Variants in LIMA1 observed in about 807,000 individuals in gnomAD.
LIMA1 encodes the protein LIM domain and actin binding 1.
LIMA1 carries 52 observed loss-of-function variants against 62.6 expected under a neutral mutation model. That is an observed-to-expected ratio of 0.83 (90% CI 0.67 to 1.05). The LOEUF (loss-of-function observed/expected upper bound fraction) is 1.05, where lower values mean the gene tolerates loss of function less well. LIMA1 is among the 50% of genes least tolerant of loss of function. The pLI, the probability that LIMA1 is intolerant of heterozygous loss-of-function variation, is 0.00. For missense variants in LIMA1, 780 were observed against 902.2 expected (o/e 0.86, Z 1.74); for synonymous variants, 302 against 317.8 (o/e 0.95, Z 0.53).
At position 50,177,423 on chromosome 12, in the gene LIMA1, C is replaced by T; in HGVS notation, c.1921G>A (p.Ala641Thr). 1 of 1,614,168 alleles carries T rather than the reference C, an allele frequency of 6.2e-7. No individual in the cohort carries two copies. The highest frequency in any genetic ancestry group is 8.5e-7 in the Non-Finnish European group (1 of 1,180,036). Residue 641 changes from alanine to threonine, a missense_variant, in exon 11 of 11, where the codon GCT becomes ACT. Physicochemically the swap from Ala to Thr is moderately conservative, Grantham distance 58. Transcript: ENST00000341247. ...AERKQVENAKASKKNGNVGKT... is the reference protein window; with the variant it reads ...AERKQVENAKTSKKNGNVGKT... Reference sequence around the variant, plus strand: ...CCCACATTCCCATTCTTCTTAGAAGCCTTGGCATTTTCCACTTGTTTCCTT... The same window carrying T: ...CCCACATTCCCATTCTTCTTAGAAGTCTTGGCATTTTCCACTTGTTTCCTT...
At chr12:50,185,788 A>C in intron 9 of LIMA1, 2 of 228,058 alleles carry the variant, frequency 8.8e-6, no homozygotes, top group South Asian at 1.1e-4. Flanking sequence ...TGGAGCAAAA[A>C]GTCTGTCTTC....
chr12:50,202,814 G>T (rs558998713), intron 6 of LIMA1, among the ~76,000 whole-genome samples: 18 of 152,202 alleles, frequency 1.2e-4, no homozygotes, highest in Admixed American at 4.6e-4. Flanking sequence ...ATTTCGATCT[G>T]CCTAAGAACA....
At chr12:50,282,505 C>A (rs2138724405) in intron 1 of LIMA1, among the ~76,000 whole-genome samples, 1 of 152,310 alleles carries the variant, frequency 6.6e-6, no homozygotes, top group East Asian at 1.9e-4. Context: ...CTGGATTAGG[C>A]AGACTTATCT....
rs528872075 is a variant in LIMA1 at position 50,222,414 on chromosome 12, T to C, written c.237A>G (p.Pro79=). The change falls in exon 4 of 11, where the codon CCA becomes CCG. Residue 79 remains proline (P), a synonymous_variant. Transcript: ENST00000341247. ...LTVLKKKWEN[P]GLGAESHTDS... ...CTGTGTGAGACTCTGCTCCCAGCCC[T>C]GGGTTCTCCCACTTCTTCTTTAACA... is the stretch of plus-strand genomic sequence containing the variant. 788 of 1,614,194 alleles carry C rather than the reference T, an allele frequency of 4.9e-4. 7 individuals are homozygous for C. The Admixed American group carries it at 0.013, about 26-fold the overall frequency.
At chr12:50,231,983 G>C (rs535039912) in intron 2 of LIMA1, among the ~76,000 whole-genome samples, 3 of 150,280 alleles carry the variant, frequency 2.0e-5, no homozygotes, top group Admixed American at 2.0e-4. Context: ...GGCCAGGCTG[G>C]TCTCGAACTC....
chr12:50,261,040 ATAT>A lies in LIMA1; in HGVS notation c.-23-12269_-23-12267del, dbSNP rs1314982945. 1.8e-4 allele frequency among the ~76,000 whole-genome samples: 9 copies of A among 48,896 alleles called. 1 individual carries two copies. Among genetic ancestry groups the A allele is most frequent in the African/African-American group, 8.2e-4 (8 of 9,810 alleles). The allele number at this position is 48,896 out of a possible 152,430, so 32.1% of individuals were successfully genotyped here. On this transcript the variant is annotated intron_variant, in intron 1 of 10. Transcript: ENST00000341247. ...GTCTTTTGCTTTTCTGCCATCTAGT[ATAT>A]TTTTTTTTTTTTTTTTTTTTTTTTT... is the stretch of plus-strand genomic sequence containing the variant.
At chr12:50,236,637 C>T (rs1941699044) in intron 2 of LIMA1, among the ~76,000 whole-genome samples, 1 of 151,958 alleles carries the variant, frequency 6.6e-6, no homozygotes, top group East Asian at 1.9e-4. Flanking sequence ...GCAGGGGGTT[C>T]CCTTTCTCGG....
intron 3 of LIMA1, 146 bp from the exon 4 acceptor site, chr12:50,222,631 A>T: frequency 1.3e-6 from 2 of 1,534,318 alleles, no homozygotes; most frequent in Non-Finnish European, 1.7e-6. Context: ...CAGCCTTGCC[A>T]CATGGAGAAA....
At position 50,177,871 on chromosome 12, in the gene LIMA1, TG is replaced by T; in HGVS notation, c.1472del (p.Pro491GlnfsTer3). On this transcript the variant is annotated frameshift_variant, in exon 11 of 11. Transcript: ENST00000341247. LOFTEE classifies it high-confidence loss of function. ...TAGCAATAGGGGCATCTTCTACCCCTGGGCTGTGAGGGGTCTCCCTTGCATT... is the reference window on the plus strand; with the variant it reads ...TAGCAATAGGGGCATCTTCTACCCCTGGCTGTGAGGGGTCTCCCTTGCATT... ...LANARETPHS[P>X]GVEDAPIAKV... 1 of 1,613,362 alleles carries T rather than the reference TG, an allele frequency of 6.2e-7. No homozygotes were observed. The highest frequency in any genetic ancestry group is 1.3e-5 in the African/African-American group (1 of 75,020).
At position 50,204,913 on chromosome 12, in the gene LIMA1, T is replaced by A. The variant is rs568360183; in HGVS notation, c.716-213A>T. Among the ~76,000 whole-genome samples the A allele has an allele frequency of 2.0e-5, 3 of 152,282 alleles. No individual in the cohort carries two copies. In the East Asian group the frequency reaches 5.8e-4, roughly 29 times the overall value. On this transcript the variant is annotated intron_variant, in intron 5 of 10. Transcript: ENST00000341247. ...ATGTTTTATTAGAAGATAAAAGTGATTCAAATAATTTCAAAATTCTAAATT... is the reference window on the plus strand; with the variant it reads ...ATGTTTTATTAGAAGATAAAAGTGAATCAAATAATTTCAAAATTCTAAATT...
In LIMA1 at chr12:50,179,562, C is replaced by T. The variant is rs569777682; in HGVS notation, c.1275-1493G>A. Among the ~76,000 whole-genome samples the T allele has an allele frequency of 4.0e-3, 607 of 150,098 alleles. 3 individuals carry two copies. Among genetic ancestry groups the T allele is most frequent in the Non-Finnish European group, 6.6e-3 (443 of 67,486 alleles). On this transcript the variant is annotated intron_variant, in intron 10 of 10. Transcript: ENST00000341247. Reference sequence around the variant, plus strand: ...ACGCCATTCTCCTGCCTCAGCCTCCCGAGTAGCTGGGACTACAGGCACTCG... The same window carrying T: ...ACGCCATTCTCCTGCCTCAGCCTCCTGAGTAGCTGGGACTACAGGCACTCG...
Position 50,261,042 on chromosome 12 carries a change from A to ATATATTTTTTTT in LIMA1, c.-23-12269_-23-12268insAAAAAAAATATA, listed in dbSNP as rs1383547189. ...CTTTTGCTTTTCTGCCATCTAGTAT[A>ATATATTTTTTTT]TTTTTTTTTTTTTTTTTTTTTTTTT... is the stretch of plus-strand genomic sequence containing the variant. On this transcript the variant is annotated intron_variant, in intron 1 of 10. Coordinates refer to ENST00000341247, the MANE Select transcript of LIMA1 (RefSeq NM_016357.5). Among the ~76,000 whole-genome samples, 47 of 54,294 alleles carry ATATATTTTTTTT rather than the reference A, an allele frequency of 8.7e-4. 1 individual carries two copies. The highest frequency in any genetic ancestry group is 1.2e-3 in the Non-Finnish European group (39 of 31,312). The allele number at this position is 54,294 out of a possible 152,430, so 35.6% of individuals were successfully genotyped here. A position where few individuals can be genotyped will look rare whatever the true frequency, so the allele number is the denominator to read the frequency against.
intron 3 of LIMA1, among the ~76,000 whole-genome samples, chr12:50,224,025 G>A (rs1258501498): frequency 6.6e-6 from 1 of 151,550 alleles, no homozygotes; most frequent in East Asian, 1.9e-4. Flanking sequence ...GTGACAGAGT[G>A]AGACTCTGTC....
At position 50,177,945 on chromosome 12, in the gene LIMA1, T is replaced by G; in HGVS notation, c.1399A>C (p.Ser467Arg). 1 of 1,614,108 alleles carries G rather than the reference T, an allele frequency of 6.2e-7. No homozygotes were observed. Among genetic ancestry groups the G allele is most frequent in the Non-Finnish European group, 8.5e-7 (1 of 1,179,992 alleles). The change falls in exon 11 of 11, where the codon AGC becomes CGC. Residue 467 changes from serine to arginine, a missense_variant. Ser to Arg is a moderately radical substitution (Grantham distance 110). Coordinates refer to ENST00000341247, the MANE Select transcript of LIMA1 (RefSeq NM_016357.5). ...GHRPHKDLWA[S>R]KNENEEILER... is the part of the protein sequence containing the mutation. Reference sequence around the variant, plus strand: ...AAAATCTCTTCGTTTTCATTTTTGCTTGCCCATAGATCCTTGTGTGGTCTG... The same window carrying G: ...AAAATCTCTTCGTTTTCATTTTTGCGTGCCCATAGATCCTTGTGTGGTCTG...
At chr12:50,220,802 G>C (rs960812116) in intron 4 of LIMA1, among the ~76,000 whole-genome samples, 1 of 152,184 alleles carries the variant, frequency 6.6e-6, no homozygotes, top group African/African-American at 2.4e-5. Flanking sequence ...AACTTGAGAG[G>C]GAAGAGAGTT....
chr12:50,232,691 A>G (rs1018014635), intron 2 of LIMA1, among the ~76,000 whole-genome samples: 3 of 152,190 alleles, frequency 2.0e-5, no homozygotes, highest in African/African-American at 7.2e-5. Flanking sequence ...TTAATCTTTA[A>G]GAAAACCAGT....
chr12:50,189,892 A>T (rs1940714393), intron 9 of LIMA1: 1 of 151,844 alleles, frequency 6.6e-6, no homozygotes, highest in East Asian at 1.9e-4. Context: ...TTGTATTCTT[A>T]GTAGAGACAG....
intron 1 of LIMA1, among the ~76,000 whole-genome samples, chr12:50,254,146 G>T (rs1445813395): frequency 2.0e-5 from 3 of 151,790 alleles, no homozygotes; most frequent in African/African-American, 7.3e-5. Flanking sequence ...TCAGTCATAT[G>T]CATTCTACTA....
chr12:50,219,439 C>T (rs1213232668), intron 4 of LIMA1, among the ~76,000 whole-genome samples: 2 of 152,128 alleles, frequency 1.3e-5, no homozygotes, highest in African/African-American at 2.4e-5. Flanking sequence ...GAGCCGAGAT[C>T]GCACCAATAC....
Sources: allele counts gnomAD v4.1 joint callset (sites outside exome capture counted in the v4.1 genomes callset), GRCh38; gene constraint gnomAD v4.1.1; transcripts MANE v1.5; gene names NCBI Gene and HGNC (gene_info 2026-07-23, HGNC 2026-07-21).